Variants in NFATC2 observed in about 807,000 individuals in gnomAD.
The protein encoded by NFATC2 is nuclear factor of activated T cells 2.
NFATC2 carries 22 observed loss-of-function variants against 87.3 expected under a neutral mutation model. The ratio of observed to expected loss-of-function variants is 0.25; its 90% CI spans 0.18 to 0.36. The LOEUF (loss-of-function observed/expected upper bound fraction) is 0.36. Among genes scored for constraint, NFATC2 ranks in the 10% least tolerant of loss-of-function variants. NFATC2 has a pLI of 1.00. For synonymous variants in NFATC2, 565 were observed against 542.2 expected (o/e 1.04, Z -0.58); for missense variants, 1,149 against 1,259.1 (o/e 0.91, Z 1.32).
intron 6 of NFATC2, among the ~76,000 whole-genome samples, chr20:51,440,111 C>T (rs1177640475): frequency 2.6e-5 from 4 of 152,000 alleles, no homozygotes; most frequent in Non-Finnish European, 4.4e-5. Flanking sequence ...GTGGCATGCA[C>T]CTGTAATCCC....
At chr20:51,472,025 G>A (rs1988253246) in intron 5 of NFATC2, among the ~76,000 whole-genome samples, 1 of 152,138 alleles carries the variant, frequency 6.6e-6, no homozygotes, top group Admixed American at 6.5e-5. Flanking sequence ...GGCTGAGGTG[G>A]GTGGATCATC....
chr20:51,523,742 A>C lies in NFATC2; in HGVS notation c.499T>G (p.Leu167Val), dbSNP rs137910818. 2.5e-5 allele frequency: 40 copies of C among 1,611,606 alleles called. No homozygotes were observed. Among genetic ancestry groups the C allele is most frequent in the Non-Finnish European group, 3.4e-6 (4 of 1,178,738 alleles). Residue 167 changes from leucine to valine, a missense_variant, in exon 2 of 11, where the codon TTG becomes GTG. By Grantham distance (32) the Leu-to-Val change is conservative. Around this residue, in one of 3 missense-constraint regions of NFATC2, gnomAD observed 563 missense variants for 585.2 expected, o/e 0.96. Coordinates refer to ENST00000371564, the MANE Select transcript of NFATC2 (RefSeq NM_012340.5). This position sits in a 1 kb window ranked among gnomAD's most constrained non-coding sequence, Gnocchi z 6.9. Reference protein sequence around the residue: ...GFEGYREPLCLSPASSGSSAS... With the variant: ...GFEGYREPLCVSPASSGSSAS... Reference sequence around the variant, plus strand: ...GAGGAGCCGCTGCTAGCGGGGCTCAAGCAAAGCGGCTCGCGGTAGCCCTCG... The same window carrying C: ...GAGGAGCCGCTGCTAGCGGGGCTCACGCAAAGCGGCTCGCGGTAGCCCTCG...
Position 51,562,508 on chromosome 20 carries a change from A to AG in NFATC2, c.70+51dup, listed in dbSNP as rs2077041566. The stretch of plus-strand genomic sequence containing the variant: ...CTGCCCGGGACGGGAGCAGCAGGAA[A>AG]GGGCCGGGAGGAGCGAGCGGAAAAG... On this transcript the variant is annotated intron_variant, in intron 1 of 10. Transcript: ENST00000414705. This position sits in a 1 kb window ranked among gnomAD's most constrained non-coding sequence, Gnocchi z 5.8. 6.8e-7 allele frequency: 1 copy of AG among 1,475,188 alleles called. No individual in the cohort carries two copies. The highest frequency in any genetic ancestry group is 1.2e-5 in the South Asian group (1 of 80,622). The allele number at this position is 1,475,188 out of a possible 1,614,324, so 91.4% of individuals were successfully genotyped here.
chr20:51,475,424 T>A, intron 4 of NFATC2, 34 bp downstream of exon 4: 1 of 1,610,504 alleles, frequency 6.2e-7, no homozygotes, highest in Non-Finnish European at 8.5e-7. Context: ...CGCTTCTCCA[T>A]GAAGACCCGC....
intron 3 of NFATC2, among the ~76,000 whole-genome samples, chr20:51,503,535 C>T (rs774437374): frequency 3.3e-5 from 5 of 152,178 alleles, no homozygotes; most frequent in African/African-American, 7.2e-5. Context: ...CTGGAGGAGG[C>T]GGGCATCGGA....
intron 5 of NFATC2, among the ~76,000 whole-genome samples, chr20:51,468,287 T>TGCAATCTAC (rs1363456211): frequency 1.4e-5 from 2 of 147,768 alleles, no homozygotes; most frequent in East Asian, 4.1e-4. Context: ...CTACAATCTA[T>TGCAATCTAC]GCAATCTACT....
chr20:51,405,177 A>T (rs1401017550), intron 9 of NFATC2, among the ~76,000 whole-genome samples: 3 of 152,116 alleles, frequency 2.0e-5, no homozygotes, highest in African/African-American at 4.8e-5. Context: ...GCAACACCAG[A>T]CAGGACATGC....
rs984764636 is a variant in NFATC2 at position 51,552,521 on chromosome 20, C to A, written c.70+10039G>T. ...AGAGTCTTTTAAAGCCCGAAGAGGA[C>A]TTCTCTGTTGTGAGAAAACTATTTT... is the stretch of plus-strand genomic sequence containing the variant. On this transcript the variant is annotated intron_variant, in intron 1 of 10. Transcript: ENST00000414705. Among the ~76,000 whole-genome samples the A allele has an allele frequency of 2.0e-5, 3 of 152,294 alleles. No homozygotes were observed. The South Asian group carries it at 6.2e-4, about 32-fold the overall frequency.
At position 51,389,582 on chromosome 20, in the gene NFATC2, A is replaced by G. The variant is rs1986105025; in HGVS notation, c.*1914T>C. ...CCTCTTACTGGCATTCTGTTTATTT[A>G]AAAGAGAATTTTGCTAAACTCTTTG... On this transcript the variant is annotated 3_prime_UTR_variant, in exon 11 of 11. Coordinates refer to ENST00000371564, the MANE Select transcript of NFATC2 (RefSeq NM_012340.5). 1 of 152,196 alleles carries G rather than the reference A, an allele frequency of 6.6e-6. No homozygotes were observed. The highest frequency in any genetic ancestry group is 1.5e-5 in the Non-Finnish European group (1 of 68,034). The allele number at this position is 152,196 out of a possible 1,614,324, so 9.4% of individuals were successfully genotyped here.
At chr20:51,465,413 A>C (rs1003354711) in intron 5 of NFATC2, among the ~76,000 whole-genome samples, 3 of 152,172 alleles carry the variant, frequency 2.0e-5, no homozygotes, top group African/African-American at 7.2e-5. Flanking sequence ...ACATCATGTC[A>C]ACCTCCTACT....
At chr20:51,488,481 CT>C (rs779502052) in intron 3 of NFATC2, among the ~76,000 whole-genome samples, 6 of 152,106 alleles carry the variant, frequency 3.9e-5, no homozygotes, top group Non-Finnish European at 8.8e-5. Context: ...AGCAGCCACC[CT>C]TTTCCCAACT....
intron 6 of NFATC2, among the ~76,000 whole-genome samples, chr20:51,437,764 G>T (rs1983778940): frequency 6.6e-6 from 1 of 152,192 alleles, no homozygotes; most frequent in African/African-American, 2.4e-5. Context: ...CAGGCAGTTT[G>T]TTTACTGACT....
In NFATC2 at chr20:51,391,001, G is replaced by A. The variant is rs755607562; in HGVS notation, c.*495C>T. ...AGCTGTATCTGTGACCTGGAAAAAC[G>A]AACGCAAGGGCTGGGGTTTAATCAC... On this transcript the variant is annotated 3_prime_UTR_variant, in exon 11 of 11. Coordinates refer to ENST00000371564, the MANE Select transcript of NFATC2 (RefSeq NM_012340.5). 3 of 338,816 alleles carry A rather than the reference G, an allele frequency of 8.9e-6. No individual in the cohort carries two copies. Among genetic ancestry groups the A allele is most frequent in the East Asian group, 7.3e-5 (1 of 13,738 alleles). The allele number at this position is 338,816 out of a possible 1,614,324, so 21.0% of individuals were successfully genotyped here.
At chr20:51,483,231 G>A (rs1353760222) in intron 3 of NFATC2, among the ~76,000 whole-genome samples, 1 of 152,166 alleles carries the variant, frequency 6.6e-6, no homozygotes, top group East Asian at 1.9e-4. Context: ...ACTCTGCTCA[G>A]GGCTTTTTAA....
intron 10 of NFATC2, among the ~76,000 whole-genome samples, chr20:51,396,216 C>G (rs1203122218): frequency 6.6e-6 from 1 of 151,696 alleles, no homozygotes; most frequent in African/African-American, 2.4e-5. Context: ...CTGTTAGTAT[C>G]CCATTCTGCA....
intron 5 of NFATC2, among the ~76,000 whole-genome samples, chr20:51,459,749 T>C (rs1013956624): frequency 8.5e-5 from 13 of 152,074 alleles, no homozygotes; most frequent in Non-Finnish European, 1.9e-4. Flanking sequence ...CCTGGTAGCA[T>C]GTACCTGTAA....
intron 3 of NFATC2, among the ~76,000 whole-genome samples, chr20:51,479,768 T>C (rs976242569): frequency 2.0e-5 from 3 of 152,188 alleles, no homozygotes; most frequent in African/African-American, 7.2e-5. Context: ...GTGAGGAAAC[T>C]GAGGCTGCTA....
intron 10 of NFATC2, among the ~76,000 whole-genome samples, chr20:51,398,179 C>T (rs538253895): frequency 2.4e-4 from 36 of 151,018 alleles, no homozygotes; most frequent in African/African-American, 8.9e-4. Flanking sequence ...TGGAGGGAAT[C>T]AGGATTGGAA....
At chr20:51,470,019 G>A (rs951452639) in intron 5 of NFATC2, among the ~76,000 whole-genome samples, 7 of 152,232 alleles carry the variant, frequency 4.6e-5, no homozygotes, top group South Asian at 2.1e-4. Flanking sequence ...TGACAACACC[G>A]AGGAGGCTGG....
Sources: gnomAD v4.1 joint callset for allele counts (sites outside exome capture counted in the v4.1 genomes callset) on GRCh38, gnomAD v4.1.1 for gene constraint, gnomAD v4.1.1 regional missense constraint, Gnocchi (gnomAD v3.1) non-coding constraint, MANE v1.5 for transcripts, NCBI Gene and HGNC (gene_info 2026-07-23, HGNC 2026-07-21) for gene names.